The following ZFR variants were observed in gnomAD, a reference collection of about 807,000 sequenced individuals.
ZFR encodes zinc finger RNA binding protein.
Under a neutral mutation model 130.7 loss-of-function variants are expected in ZFR, and 19 were observed. The ratio of observed to expected loss-of-function variants is 0.15; its 90% CI spans 0.10 to 0.21. The LOEUF (loss-of-function observed/expected upper bound fraction) is 0.21. Ranked by LOEUF, ZFR falls within the 10% of genes least tolerant of loss-of-function variation. ZFR has a pLI of 1.00. For missense variants in ZFR, 872 were observed against 1,321.5 expected (o/e 0.66, Z 5.27); for synonymous variants, 466 against 456.9 (o/e 1.02, Z -0.25).
chr5:32,417,570 A>T (rs1753854385), intron 4 of ZFR, 78 bp downstream of exon 4: 5 of 1,573,260 alleles, frequency 3.2e-6, no homozygotes, highest in Admixed American at 1.7e-5. Context: ...ATGGACTCAA[A>T]AGCTTATCTT....
chr5:32,395,657 CCT>C (rs916148767), intron 10 of ZFR, among the ~76,000 whole-genome samples: 1 of 152,048 alleles, frequency 6.6e-6, no homozygotes, highest in African/African-American at 2.4e-5. Context: ...CTCTGCCACC[CCT>C]GAGAGAGTAA....
At chr5:32,377,017 C>T (rs1162544968) in intron 17 of ZFR, among the ~76,000 whole-genome samples, 1 of 147,718 alleles carries the variant, frequency 6.8e-6, no homozygotes, top group African/African-American at 2.5e-5. Flanking sequence ...TTTAGCCGGG[C>T]GTGGTGGCAG....
chr5:32,366,874 T>C (rs1435463771), intron 17 of ZFR, among the ~76,000 whole-genome samples: 1 of 142,862 alleles, frequency 7.0e-6, no homozygotes, highest in Non-Finnish European at 1.5e-5. Context: ...CTTTAAAAGA[T>C]TTTTTAATTT....
intron 5 of ZFR, among the ~76,000 whole-genome samples, chr5:32,413,761 G>A (rs1474653468): frequency 2.0e-5 from 3 of 152,172 alleles, no homozygotes; most frequent in African/African-American, 7.2e-5. Context: ...AGACAGTAAA[G>A]TCCTATCTAT....
intron 19 of ZFR, among the ~76,000 whole-genome samples, chr5:32,363,619 C>T (rs1752479492): frequency 6.6e-6 from 1 of 152,130 alleles, no homozygotes; most frequent in African/African-American, 2.4e-5. Flanking sequence ...TACTTTTGTA[C>T]AACCAGAGGA....
chr5:32,439,804 T>TAAAAAAAAA (rs11446399), intron 2 of ZFR, among the ~76,000 whole-genome samples: 2 of 72,458 alleles, frequency 2.8e-5, no homozygotes, highest in Admixed American at 2.1e-4. Context: ...ACCATGTCTT[T>TAAAAAAAAA]AAAAAAAAAA....
chr5:32,363,445 T>C (rs2111659248), intron 19 of ZFR, among the ~76,000 whole-genome samples: 1 of 152,330 alleles, frequency 6.6e-6, no homozygotes, highest in East Asian at 1.9e-4. Flanking sequence ...ACAATCCTGT[T>C]TGAGACAGAT....
intron 2 of ZFR, 39 bp downstream of exon 2, chr5:32,444,190 G>A (rs774621444): frequency 2.5e-6 from 4 of 1,586,466 alleles, no homozygotes; most frequent in African/African-American, 1.4e-5. Context: ...ACCGAGGGGA[G>A]AGCAAGGGGC....
chr5:32,418,776 C>T (rs1257812531), intron 3 of ZFR, among the ~76,000 whole-genome samples: 15 of 152,006 alleles, frequency 9.9e-5, no homozygotes, highest in Non-Finnish European at 1.5e-5. Flanking sequence ...AAGAATATAG[C>T]AAAACCAGGG....
At chr5:32,409,872 T>C (rs2963981) in intron 5 of ZFR, among the ~76,000 whole-genome samples, 144,781 of 152,170 alleles carry the variant, frequency 0.95, 68,939 homozygotes, top group African/African-American at 0.98. Flanking sequence ...AGCGTGGTGG[T>C]GTGCCTGTAG....
intron 16 of ZFR, chr5:32,379,839 A>G: frequency 2.7e-6 from 1 of 370,692 alleles, no homozygotes; most frequent in East Asian, 4.0e-5. Flanking sequence ...AAAATAAAAA[A>G]TAAAAAAACC....
chr5:32,379,328 C>T (rs1049934847), intron 16 of ZFR, 118 bp from the exon 17 acceptor site: 6 of 866,294 alleles, frequency 6.9e-6, no homozygotes, highest in Non-Finnish European at 9.5e-6. Context: ...CAAAAACAAT[C>T]ACACTTAAAA....
intron 12 of ZFR, among the ~76,000 whole-genome samples, chr5:32,389,681 A>C (rs913152868): frequency 2.6e-5 from 4 of 152,208 alleles, no homozygotes; most frequent in Non-Finnish European, 5.9e-5. Context: ...TGTAAGGAAA[A>C]CCAAAGGCAA....
intron 5 of ZFR, among the ~76,000 whole-genome samples, chr5:32,411,871 T>C (rs1229550664): frequency 7.2e-5 from 11 of 152,252 alleles, no homozygotes; most frequent in Non-Finnish European, 1.5e-5. Context: ...TGTCATTTTA[T>C]ATATGTGACT....
chr5:32,429,128 G>T lies in ZFR; in HGVS notation c.138-9025C>A, dbSNP rs576663006. Reference sequence around the variant, plus strand: ...AGCCTCCCGAGTAGCTGGGACTACAGGAGCCCGCCACCACGCCCGGCTAAT... The same window carrying T: ...AGCCTCCCGAGTAGCTGGGACTACATGAGCCCGCCACCACGCCCGGCTAAT... On this transcript the variant is annotated intron_variant, in intron 2 of 19. Transcript: ENST00000265069. Among the ~76,000 whole-genome samples, 64 of 151,996 alleles carry T rather than the reference G, an allele frequency of 4.2e-4. 1 individual carries two copies. Among genetic ancestry groups the T allele is most frequent in the African/African-American group, 1.5e-3 (63 of 41,426 alleles).
chr5:32,359,604 A>T (rs1206574983), intron 19 of ZFR, among the ~76,000 whole-genome samples: 1 of 152,202 alleles, frequency 6.6e-6, no homozygotes, highest in Admixed American at 6.5e-5. Flanking sequence ...AACACAAAAA[A>T]ATGTGCATCA....
chr5:32,434,878 G>A (rs976932332), intron 2 of ZFR, among the ~76,000 whole-genome samples: 4 of 152,074 alleles, frequency 2.6e-5, no homozygotes, highest in Non-Finnish European at 5.9e-5. Flanking sequence ...AACCCTGAAG[G>A]ATACCATAAA....
chr5:32,403,578 C>A (rs1045016398), intron 7 of ZFR, among the ~76,000 whole-genome samples, 181 bp from the exon 8 acceptor site: 3 of 152,098 alleles, frequency 2.0e-5, no homozygotes, highest in Non-Finnish European at 2.9e-5. Flanking sequence ...CTCTGTGAAG[C>A]AAATATGCAT....
At chr5:32,412,860 G>A (rs569821167) in intron 5 of ZFR, among the ~76,000 whole-genome samples, 3 of 152,192 alleles carry the variant, frequency 2.0e-5, no homozygotes, top group South Asian at 2.1e-4. Context: ...AATAGTTCTT[G>A]GAACTATTTT....
Sources: allele counts gnomAD v4.1 joint callset (sites outside exome capture counted in the v4.1 genomes callset), GRCh38; gene constraint gnomAD v4.1.1; transcripts MANE v1.5; gene names NCBI Gene and HGNC (gene_info 2026-07-23, HGNC 2026-07-21).